The following ADAMTS18 variants were observed in gnomAD, a reference collection of about 807,000 sequenced individuals.
ADAMTS18 encodes the protein ADAM metallopeptidase with thrombospondin type 1 motif 18, also known as A disintegrin and metalloproteinase with thrombospondin motifs 18.
ADAMTS18 carries 157 observed loss-of-function variants against 165.9 expected under a neutral mutation model. The ratio of observed to expected loss-of-function variants is 0.95; its 90% confidence interval spans 0.83 to 1.08. The LOEUF (loss-of-function observed/expected upper bound fraction) is 1.08, where lower values mean the gene tolerates loss of function less well. Among genes scored for constraint, ADAMTS18 ranks in the 50% least tolerant of loss-of-function variants. The pLI is 0.00. For synonymous variants in ADAMTS18, 782 were observed against 578.2 expected, an observed-to-expected ratio of 1.35 and a Z score of -5.06; for missense variants, 2,040 against 1,534.0, an observed-to-expected ratio of 1.33 and a Z score of -5.51.
In ADAMTS18 at chr16:77,319,879, T is replaced by C. The variant is rs552168513; in HGVS notation, c.2502A>G (p.Pro834=). 18 of 1,614,180 alleles carry C rather than the reference T, an allele frequency of 1.1e-5. No homozygotes were observed. In the African/African-American group the frequency reaches 2.0e-4, roughly 18 times the overall value. Residue 834 remains proline, a synonymous_variant, in exon 16 of 23, where the codon CCA becomes CCG. Transcript: ENST00000282849. Reference sequence around the variant, plus strand: ...AGACCAGCGTCTCATTTGTGGGCCCTGGCGCGTACAGACGTTCCGGGCGGT... The same window carrying C: ...AGACCAGCGTCTCATTTGTGGGCCCCGGCGCGTACAGACGTTCCGGGCGGT... ...SFNRPERLYA[P]GPTNETLVFE...
chr16:77,397,571 T>G (rs952203647), intron 3 of ADAMTS18, among the ~76,000 whole-genome samples: 2 of 152,226 alleles, frequency 1.3e-5, no homozygotes, highest in African/African-American at 4.8e-5. Flanking sequence ...GATGTTAATC[T>G]ATTCCAAGAA....
At position 77,304,258 on chromosome 16, in the gene ADAMTS18, A is replaced by G. The variant is rs144856740; in HGVS notation, c.2533-3854T>C. Among the ~76,000 whole-genome samples the G allele has an allele frequency of 5.4e-3, 823 of 152,276 alleles. 5 individuals carry two copies. Among genetic ancestry groups the G allele is most frequent in the African/African-American group, 0.016 (680 of 41,554 alleles). ...AGGATCTTTTGAGCTCAGAAGTTCA[A>G]TATCAGCCTGGGCAACACAGCAAGA... On this transcript the variant is annotated intron_variant, in intron 16 of 22. Coordinates refer to ENST00000282849, the MANE Select transcript of ADAMTS18 (RefSeq NM_199355.4).
At chr16:77,361,880 A>T (rs558755671) in intron 7 of ADAMTS18, among the ~76,000 whole-genome samples, 3 of 127,254 alleles carry the variant, frequency 2.4e-5, no homozygotes, top group African/African-American at 8.7e-5. Flanking sequence ...GTGAAACTCC[A>T]TCTCAAATTA....
chr16:77,328,124 T>C (rs1285390328), intron 12 of ADAMTS18, among the ~76,000 whole-genome samples: 1 of 152,128 alleles, frequency 6.6e-6, no homozygotes, highest in African/African-American at 2.4e-5. Flanking sequence ...AATGACGATG[T>C]AAAGGCAAGC....
intron 20 of ADAMTS18, among the ~76,000 whole-genome samples, chr16:77,292,654 G>T (rs1400530634): frequency 6.6e-6 from 1 of 152,194 alleles, no homozygotes; most frequent in Non-Finnish European, 1.5e-5. Context: ...CGCCCCTACT[G>T]CCCAGACATA....
intron 16 of ADAMTS18, among the ~76,000 whole-genome samples, chr16:77,306,576 A>T (rs2144606593): frequency 6.6e-6 from 1 of 152,258 alleles, no homozygotes; most frequent in Non-Finnish European, 1.5e-5. Flanking sequence ...TTCTTCTTCA[A>T]GAAGTTGTCC....
chr16:77,341,583 T>C, intron 11 of ADAMTS18, 121 bp downstream of exon 11: 3 of 803,978 alleles, frequency 3.7e-6, no homozygotes, highest in Non-Finnish European at 2.1e-6. Flanking sequence ...GTTGTTAATA[T>C]GAAGAGAAGT....
chr16:77,348,285 T>C (rs2056506600), intron 10 of ADAMTS18, among the ~76,000 whole-genome samples: 2 of 152,158 alleles, frequency 1.3e-5, no homozygotes, highest in African/African-American at 4.8e-5. Context: ...ATAACCTTAT[T>C]ACTGATAATC....
intron 11 of ADAMTS18, among the ~76,000 whole-genome samples, chr16:77,338,723 G>A (rs748375551): frequency 6.6e-6 from 1 of 151,952 alleles, no homozygotes; most frequent in Non-Finnish European, 1.5e-5. Flanking sequence ...GGAGGCCAAG[G>A]CGGATGGATC....
intron 16 of ADAMTS18, among the ~76,000 whole-genome samples, chr16:77,309,053 G>A (rs1409875825): frequency 6.6e-6 from 1 of 152,172 alleles, no homozygotes; most frequent in Non-Finnish European, 1.5e-5. Context: ...CTAGTTCAGT[G>A]AGACATCCCT....
intron 3 of ADAMTS18, among the ~76,000 whole-genome samples, chr16:77,395,536 C>G (rs529997421): frequency 6.6e-6 from 1 of 152,168 alleles, no homozygotes; most frequent in Non-Finnish European, 1.5e-5. Context: ...CTCAGGGCTG[C>G]GTTCACTCCC....
At chr16:77,417,508 C>A (rs969507272) in intron 3 of ADAMTS18, among the ~76,000 whole-genome samples, 2 of 152,192 alleles carry the variant, frequency 1.3e-5, no homozygotes, top group African/African-American at 4.8e-5. Flanking sequence ...TGGGTCTATT[C>A]AACGAAGGGA....
chr16:77,319,235 C>T (rs940654767), intron 16 of ADAMTS18, among the ~76,000 whole-genome samples: 1 of 152,122 alleles, frequency 6.6e-6, no homozygotes, highest in Non-Finnish European at 1.5e-5. Flanking sequence ...AAATGGCAGA[C>T]ATAGACAAAC....
At chr16:77,400,421 G>A (rs544406102) in intron 3 of ADAMTS18, among the ~76,000 whole-genome samples, 5 of 143,744 alleles carry the variant, frequency 3.5e-5, no homozygotes, top group South Asian at 2.3e-4. Context: ...ATTTCAGGGG[G>A]AATTGTGTGT....
intron 3 of ADAMTS18, among the ~76,000 whole-genome samples, chr16:77,388,841 G>T (rs2057145747): frequency 6.6e-6 from 1 of 152,190 alleles, no homozygotes; most frequent in East Asian, 1.9e-4. Context: ...ACCAGGAGTA[G>T]TATCTCATGC....
chr16:77,415,965 C>T (rs563740537), intron 3 of ADAMTS18, among the ~76,000 whole-genome samples: 30 of 152,224 alleles, frequency 2.0e-4, no homozygotes, highest in African/African-American at 6.3e-4. Context: ...GGAAATACAG[C>T]AGTGAATAGC....
At chr16:77,420,794 A>AG (rs965211129) in intron 3 of ADAMTS18, among the ~76,000 whole-genome samples, 16 of 152,222 alleles carry the variant, frequency 1.1e-4, no homozygotes, top group African/African-American at 3.9e-4. Flanking sequence ...TAATTAAGGC[A>AG]GGGGGAAGAA....
At chr16:77,291,174 A>ACCATTAACAGACTAAG (rs2055354881) in intron 21 of ADAMTS18, 92 bp downstream of exon 21, 30 of 1,404,734 alleles carry the variant, frequency 2.1e-5, no homozygotes, top group Non-Finnish European at 2.9e-5. Context: ...TACTTAGACA[A>ACCATTAACAGACTAAG]CCATTAACAG....
intron 19 of ADAMTS18, 34 bp from the exon 20 acceptor site, chr16:77,293,292 C>G: frequency 1.3e-6 from 2 of 1,575,484 alleles, no homozygotes; most frequent in East Asian, 2.2e-5. Context: ...TTTGCATTCC[C>G]ATTAGGTTTC....
Sources: gnomAD v4.1 joint callset for allele counts (sites outside exome capture counted in the v4.1 genomes callset) on GRCh38, gnomAD v4.1.1 for gene constraint, MANE v1.5 for transcripts, NCBI Gene and HGNC (gene_info 2026-07-23, HGNC 2026-07-21) for gene names.